The following DENND1B variants were observed in gnomAD, a reference collection of about 807,000 sequenced individuals.
DENND1B encodes the protein DENN domain containing 1B, also known as DENN domain-containing protein 1B.
DENND1B carries 59 observed loss-of-function variants against 90.1 expected under a neutral mutation model. The ratio of observed to expected loss-of-function variants is 0.65; its 90% confidence interval spans 0.53 to 0.81. DENND1B has a LOEUF of 0.81. Ranked by LOEUF, DENND1B falls within the 40% of genes least tolerant of loss-of-function variation. The pLI, the probability that DENND1B is intolerant of heterozygous loss-of-function variation, is 0.00. For synonymous variants in DENND1B, 337 were observed against 324.6 expected (o/e 1.04, Z -0.41); for missense variants, 862 against 912.6 (o/e 0.94, Z 0.71).
chr1:197,737,056 A>G (rs139930562), intron 2 of DENND1B, among the ~76,000 whole-genome samples: 1 of 152,326 alleles, frequency 6.6e-6, no homozygotes, highest in Non-Finnish European at 1.5e-5. Flanking sequence ...AGTCTAAATC[A>G]TACTTCATCT....
At chr1:197,580,535 T>G (rs1674139787) in intron 15 of DENND1B, among the ~76,000 whole-genome samples, 1 of 152,186 alleles carries the variant, frequency 6.6e-6, no homozygotes, top group Non-Finnish European at 1.5e-5. Context: ...TATGTTTGCC[T>G]CTTCCTGAGG....
intron 2 of DENND1B, among the ~76,000 whole-genome samples, chr1:197,720,442 T>A (rs1174315137): frequency 1.3e-5 from 2 of 152,066 alleles, no homozygotes; most frequent in African/African-American, 4.8e-5. Flanking sequence ...GGTCTCGCTA[T>A]GTTACCCAGG....
At chr1:197,658,498 T>C (rs1400241237) in intron 5 of DENND1B, 129 bp from the exon 6 acceptor site, 1 of 573,432 alleles carries the variant, frequency 1.7e-6, no homozygotes, top group African/African-American at 1.9e-5. Context: ...ATACCCATTT[T>C]CTTTACTTTT....
chr1:197,611,029 A>G (rs1177325027), intron 12 of DENND1B, among the ~76,000 whole-genome samples: 1 of 150,782 alleles, frequency 6.6e-6, no homozygotes, highest in Admixed American at 6.6e-5. Context: ...GTTTTAAAAT[A>G]TATCAACAGA....
At chr1:197,597,840 G>A (rs1675845328) in intron 13 of DENND1B, among the ~76,000 whole-genome samples, 5 of 151,714 alleles carry the variant, frequency 3.3e-5, no homozygotes, top group Admixed American at 1.3e-4. Context: ...ATACACACTT[G>A]ATATTTGACT....
intron 5 of DENND1B, among the ~76,000 whole-genome samples, chr1:197,662,627 A>ATG (rs1163721985): frequency 6.6e-6 from 1 of 152,038 alleles, no homozygotes; most frequent in East Asian, 1.9e-4. Flanking sequence ...GGTTTGTTAC[A>ATG]TGTGTGTGTA....
chr1:197,781,495 G>A, the DENND1B span, among the ~76,000 whole-genome samples: 1 of 152,142 alleles, frequency 6.6e-6, no homozygotes, highest in Non-Finnish European at 1.5e-5. Flanking sequence ...AATATTGACT[G>A]AGATAGTGTT....
chr1:197,761,228 C>T (rs1211257046), intron 2 of DENND1B, among the ~76,000 whole-genome samples: 1 of 152,112 alleles, frequency 6.6e-6, no homozygotes, highest in Non-Finnish European at 1.5e-5. Flanking sequence ...AAATTAACTT[C>T]ATTAACTGCT....
chr1:197,670,687 G>T (rs180844304), intron 5 of DENND1B, among the ~76,000 whole-genome samples: 2 of 151,776 alleles, frequency 1.3e-5, no homozygotes, highest in East Asian at 1.9e-4. Flanking sequence ...TTTCCATTAG[G>T]GCAAATCCAT....
chr1:197,713,824 ATTAT>A lies in DENND1B; in HGVS notation c.126+1203_126+1206del, dbSNP rs1306827827. 1.7e-3 allele frequency among the ~76,000 whole-genome samples: 92 copies of A among 55,470 alleles called. 1 individual carries two copies. The highest frequency in any genetic ancestry group is 5.4e-3 in the African/African-American group (86 of 15,888). 36.4% of individuals were successfully genotyped at this position (55,470 alleles called of 152,430 possible). On this transcript the variant is annotated intron_variant, in intron 3 of 22. Transcript: ENST00000620048. ...TATTATAATATATTATATATAATAT[ATTAT>A]ATATAATATATTATATTATATTATT... is the stretch of plus-strand genomic sequence containing the variant.
intron 3 of DENND1B, 126 bp downstream of exon 3, chr1:197,714,905 G>T: frequency 1.4e-6 from 1 of 726,202 alleles, no homozygotes; most frequent in African/African-American, 1.8e-5. Context: ...TCTCACAGTT[G>T]ATCAAGAGAA....
intron 2 of DENND1B, chr1:197,746,975 G>T: frequency 9.3e-7 from 1 of 1,080,648 alleles, no homozygotes; most frequent in Non-Finnish European, 1.4e-6. Context: ...TCCACAGCCT[G>T]GTCTATCCTC....
chr1:197,768,236 TTCCTCCTCCTCCTCCCTTTCC>T (rs1196613861), intron 2 of DENND1B, among the ~76,000 whole-genome samples: 2 of 144,752 alleles, frequency 1.4e-5, no homozygotes, highest in African/African-American at 2.6e-5. Context: ...CCTCCTTCTC[TTCCTCCTCCTCCTCCCTTTCC>T]TCCTCCTCCT....
intron 13 of DENND1B, among the ~76,000 whole-genome samples, chr1:197,597,135 G>A (rs1336618656): frequency 1.3e-5 from 2 of 151,246 alleles, no homozygotes; most frequent in African/African-American, 4.9e-5. Context: ...CATTTAAGAG[G>A]GATTTTTATT....
chr1:197,548,797 A>G (rs2125676229), intron 16 of DENND1B, among the ~76,000 whole-genome samples: 1 of 152,284 alleles, frequency 6.6e-6, no homozygotes, highest in South Asian at 2.1e-4. Context: ...TAATACCCTG[A>G]AAAAGAAGGT....
chr1:197,530,924 A>G (rs1669568115), intron 20 of DENND1B, among the ~76,000 whole-genome samples: 1 of 152,158 alleles, frequency 6.6e-6, no homozygotes. Flanking sequence ...TCTAAACTCC[A>G]TATCCTTATT....
At chr1:197,559,572 C>A (rs1414510667) in intron 15 of DENND1B, among the ~76,000 whole-genome samples, 1 of 151,834 alleles carries the variant, frequency 6.6e-6, no homozygotes, top group Admixed American at 6.6e-5. Context: ...CTAATAGATT[C>A]AAGTCTTGAG....
At chr1:197,709,787 T>C (rs1408097681) in intron 3 of DENND1B, among the ~76,000 whole-genome samples, 3 of 137,824 alleles carry the variant, frequency 2.2e-5, no homozygotes, top group Non-Finnish European at 4.6e-5. Context: ...GACTGGCAAG[T>C]TGGATAAAGA....
intron 2 of DENND1B, among the ~76,000 whole-genome samples, chr1:197,744,761 T>C (rs757927816): frequency 2.3e-4 from 35 of 152,334 alleles, no homozygotes; most frequent in Admixed American, 1.5e-3. Context: ...CTGACTTCTT[T>C]CTAGCTCAGA....
Sources: gnomAD v4.1 joint callset for allele counts (sites outside exome capture counted in the v4.1 genomes callset) on GRCh38, gnomAD v4.1.1 for gene constraint, MANE v1.5 for transcripts, NCBI Gene and HGNC (gene_info 2026-07-23, HGNC 2026-07-21) for gene names.